TEAD4: variants seen among roughly 807,000 people sequenced by gnomAD.
TEAD4 encodes the protein transcriptional enhancer factor TEF-3.
In TEAD4, 36 loss-of-function variants were observed where a neutral mutation model predicts 52.4. The ratio of observed to expected loss-of-function variants is 0.69; its 90% confidence interval spans 0.53 to 0.91. The LOEUF (loss-of-function observed/expected upper bound fraction) is 0.91, where lower values mean the gene tolerates loss of function less well. TEAD4 is among the 40% of genes least tolerant of loss of function. TEAD4 has a pLI of 0.00. For synonymous variants in TEAD4, 220 were observed against 231.0 expected (o/e 0.95, Z 0.43); for missense variants, 508 against 583.9 (o/e 0.87, Z 1.34).
rs2153958789 is a variant in TEAD4, at chr12:3,038,030, T to C, written c.960T>C (p.Tyr320=). The C allele has an allele frequency of 6.2e-7, 1 of 1,614,164 alleles. No homozygotes were observed. The change falls in exon 11 of 13, where the codon TAT becomes TAC. Residue 320 remains tyrosine (Y), a synonymous_variant. Coordinates refer to ENST00000359864, the MANE Select transcript of TEAD4 (RefSeq NM_003213.4). ...CCTTCTATGGGGTCTCCAGCCAGTA[T>C]GAGAGCCCCGAGAACATGATCATCA... is the stretch of plus-strand genomic sequence containing the variant.
chr12:3,037,877 A>C, intron 10 of TEAD4, 91 bp from the exon 11 acceptor site: 1 of 1,472,616 alleles, frequency 6.8e-7, no homozygotes, highest in Admixed American at 2.2e-5. Context: ...CCAGCCCTAG[A>C]GCCGGGACCG....
chr12:3,011,109 C>T (rs1388448119), intron 4 of TEAD4, 41 bp downstream of exon 4: 2 of 1,610,650 alleles, frequency 1.2e-6, no homozygotes, highest in Admixed American at 3.3e-5. Flanking sequence ...GGGGTGGTAC[C>T]CCAGCACCAG....
chr12:3,018,100 T>C (rs898644796), intron 6 of TEAD4, among the ~76,000 whole-genome samples: 1 of 152,156 alleles, frequency 6.6e-6, no homozygotes, highest in Non-Finnish European at 1.5e-5. Context: ...AGCACCGCCC[T>C]AGGCACGTGG....
At chr12:3,030,858 T>C (rs989631458) in intron 10 of TEAD4, among the ~76,000 whole-genome samples, 5 of 152,054 alleles carry the variant, frequency 3.3e-5, no homozygotes, top group South Asian at 2.1e-4. Context: ...AGGGAAATAT[T>C]TGTTAGCCCT....
chr12:2,978,405 T>C (rs1056613308), intron 2 of TEAD4, among the ~76,000 whole-genome samples: 3 of 151,670 alleles, frequency 2.0e-5, no homozygotes, highest in African/African-American at 7.3e-5. Flanking sequence ...TTGTTTTTTT[T>C]TGTTTTGTTT....
intron 2 of TEAD4, among the ~76,000 whole-genome samples, chr12:2,983,170 A>G (rs1407444593): frequency 6.6e-6 from 1 of 152,210 alleles, no homozygotes; most frequent in Non-Finnish European, 1.5e-5. Flanking sequence ...TAAAATGATT[A>G]ATTAATTAAG....
chr12:2,970,275 T>C (rs2098224024), intron 2 of TEAD4, among the ~76,000 whole-genome samples: 1 of 152,254 alleles, frequency 6.6e-6, no homozygotes, highest in Non-Finnish European at 1.5e-5. Context: ...TTGTGTTCAG[T>C]AACCACGTGG....
chr12:3,020,762 G>A lies in TEAD4; in HGVS notation c.712G>A (p.Asp238Asn). ...CTCTGCCTTCCTGGAGCAGCAGCAG[G>A]ACCCGGACACGGTAGGTCCTGGCCT... Residue 238 changes from aspartate to asparagine, a missense_variant, in exon 9 of 13, where the codon GAC (aspartate) becomes AAC (asparagine). Asp to Asn is a conservative substitution (Grantham distance 23). Coordinates refer to ENST00000359864, the MANE Select transcript of TEAD4 (RefSeq NM_003213.4). The A allele has an allele frequency of 6.2e-7, 1 of 1,606,270 alleles. No individual in the cohort carries two copies. Among genetic ancestry groups the A allele is most frequent in the African/African-American group, 1.3e-5 (1 of 74,856 alleles).
chr12:3,018,514 C>A (rs778755331), intron 6 of TEAD4, 31 bp from the exon 7 acceptor site: 1 of 1,613,904 alleles, frequency 6.2e-7, no homozygotes, highest in African/African-American at 1.3e-5. Flanking sequence ...CACCTGGGGC[C>A]GTGCTGATTC....
chr12:2,965,840 G>A (rs1199878262), intron 2 of TEAD4, among the ~76,000 whole-genome samples: 2 of 152,056 alleles, frequency 1.3e-5, no homozygotes, highest in Non-Finnish European at 2.9e-5. Flanking sequence ...CACCGCGCCC[G>A]GCCATAAATT....
intron 5 of TEAD4, 125 bp from the exon 6 acceptor site, chr12:3,017,273 A>G (rs1374221991): frequency 7.8e-7 from 1 of 1,283,150 alleles, no homozygotes; most frequent in African/African-American, 1.5e-5. Flanking sequence ...CACAGACTTA[A>G]CGCCTGGTCC....
chr12:2,980,787 G>T (rs919232302), intron 2 of TEAD4, among the ~76,000 whole-genome samples: 17 of 151,982 alleles, frequency 1.1e-4, no homozygotes, highest in Non-Finnish European at 1.6e-4. Context: ...ATGGCCAGGC[G>T]CAGTGACTCA....
At chr12:2,986,729 A>C (rs2098238863) in intron 2 of TEAD4, among the ~76,000 whole-genome samples, 1 of 152,174 alleles carries the variant, frequency 6.6e-6, no homozygotes, top group Non-Finnish European at 1.5e-5. Context: ...CCAGTAACAC[A>C]GTTGTTTATT....
intron 9 of TEAD4, 85 bp from the exon 10 acceptor site, chr12:3,021,758 GT>G: frequency 2.7e-6 from 4 of 1,462,420 alleles, no homozygotes; most frequent in Non-Finnish European, 2.8e-6. Flanking sequence ...CTTGCACCAG[GT>G]CACGTGGTGG....
rs574268461 is a variant in TEAD4 at position 2,974,606 on chromosome 12, C to T, written c.-30+14566C>T. On this transcript the variant is annotated intron_variant, in intron 2 of 12. Coordinates refer to ENST00000359864, the MANE Select transcript of TEAD4 (RefSeq NM_003213.4). ...GCTGGAGTCCTACTTTCCCGGAGCT[C>T]CTAGTGCCCCACTGCCTCCAGGATG... is the stretch of plus-strand genomic sequence containing the variant. 1.1e-4 allele frequency among the ~76,000 whole-genome samples: 16 copies of T among 152,300 alleles called. No homozygotes were observed. In the East Asian group the frequency reaches 2.9e-3, roughly 28 times the overall value.
chr12:3,030,105 C>T (rs901747679), intron 10 of TEAD4, among the ~76,000 whole-genome samples: 1 of 152,156 alleles, frequency 6.6e-6, no homozygotes, highest in Non-Finnish European at 1.5e-5. Context: ...TTTGAATAAG[C>T]CCTGTGTCCC....
Position 3,017,297 on chromosome 12 carries a change from A to C in TEAD4, c.355-101A>C, listed in dbSNP as rs73248838. 1.1e-3 allele frequency: 1,694 copies of C among 1,510,246 alleles called. 17 individuals are homozygous for C. In the African/African-American group the frequency reaches 0.02, roughly 17 times the overall value. The allele number at this position is 1,510,246 out of a possible 1,614,324, so 93.6% of individuals were successfully genotyped here. ...AACGCCTGGTCCCCCAGCTCTGGCC[A>C]CTGGCAGCGAGACAGCTTCCCTGAC... On this transcript the variant is annotated intron_variant, in intron 5 of 12. Transcript: ENST00000359864.
At chr12:3,006,636 A>G (rs1009894029) in intron 3 of TEAD4, among the ~76,000 whole-genome samples, 1 of 152,042 alleles carries the variant, frequency 6.6e-6, no homozygotes. Context: ...GTGAGCCAAG[A>G]TCGCGCCATT....
intron 10 of TEAD4, among the ~76,000 whole-genome samples, chr12:3,031,053 C>T (rs1017744716): frequency 3.3e-5 from 5 of 152,158 alleles, no homozygotes; most frequent in Admixed American, 6.5e-5. Flanking sequence ...CAGGGTGTGG[C>T]GTGGGAGGCA....
Sources: allele counts gnomAD v4.1 joint callset (sites outside exome capture counted in the v4.1 genomes callset), GRCh38; gene constraint gnomAD v4.1.1; transcripts MANE v1.5; gene names NCBI Gene and HGNC (gene_info 2026-07-23, HGNC 2026-07-21).